Variants in CCZ1B observed in about 807,000 individuals in gnomAD.
CCZ1B encodes CCZ1B vacuolar protein trafficking and biogenesis associated.
CCZ1B carries 25 observed loss-of-function variants against 58.8 expected under a neutral mutation model. The ratio of observed to expected loss-of-function variants is 0.43; its 90% CI spans 0.31 to 0.59. CCZ1B has a LOEUF of 0.59. CCZ1B is among the 20% of genes least tolerant of loss of function. CCZ1B has a pLI of 0.12. For synonymous variants in CCZ1B, 66 were observed against 173.2 expected (o/e 0.38, Z 4.86); for missense variants, 180 against 501.5 (o/e 0.36, Z 6.12).
intron 7 of CCZ1B, among the ~76,000 whole-genome samples, chr7:6,815,564 A>G (rs1418307506): frequency 6.7e-6 from 1 of 148,962 alleles, no homozygotes; most frequent in East Asian, 1.9e-4. Flanking sequence ...CCCAGGCTCA[A>G]GCAAACCTCC....
chr7:6,818,305 T>C (rs578056796), intron 7 of CCZ1B, among the ~76,000 whole-genome samples: 1 of 149,394 alleles, frequency 6.7e-6, no homozygotes, highest in Non-Finnish European at 1.5e-5. Flanking sequence ...TCGCGGCACT[T>C]TGGGAGGCCA....
chr7:6,825,467 C>A lies in CCZ1B; in HGVS notation c.120+611G>T, dbSNP rs574630717. On this transcript the variant is annotated intron_variant, in intron 1 of 14. Transcript: ENST00000316731. ...GTCTTGCTATGTTGCCCAGGCTGGT[C>A]TGGAACCCCTGGCCTCAAGCAATCC... Among the ~76,000 whole-genome samples, 22 of 132,160 alleles carry A rather than the reference C, an allele frequency of 1.7e-4. No homozygotes were observed. In the East Asian group the frequency reaches 4.3e-3, roughly 26 times the overall value. 86.7% of individuals were successfully genotyped at this position (132,160 alleles called of 152,430 possible).
rs193021267 is a variant in CCZ1B at position 6,821,788 on chromosome 7, G to A, written c.522+493C>T. Among the ~76,000 whole-genome samples, 358 of 150,794 alleles carry A rather than the reference G, an allele frequency of 2.4e-3. 7 individuals carry two copies. Among genetic ancestry groups the A allele is most frequent in the African/African-American group, 8.7e-3 (353 of 40,444 alleles). On this transcript the variant is annotated intron_variant, in intron 6 of 14. Transcript: ENST00000316731. ...GAAACATGCAAAATTCAATTACAAC[G>A]AAAGAGGACAGCACTTGGAACAAAT...
intron 6 of CCZ1B, among the ~76,000 whole-genome samples, chr7:6,820,468 C>G (rs1171720459): frequency 6.7e-6 from 1 of 148,994 alleles, no homozygotes; most frequent in Non-Finnish European, 1.5e-5. Context: ...TGAGCCACCA[C>G]GCCTGGCCAA....
chr7:6,819,621 T>C, intron 7 of CCZ1B, 145 bp downstream of exon 7: 1 of 589,764 alleles, frequency 1.7e-6, no homozygotes, highest in East Asian at 2.8e-5. Context: ...TAATCACTGC[T>C]TTATTTTGAC....
chr7:6,817,291 C>T (rs1320911762), intron 7 of CCZ1B, among the ~76,000 whole-genome samples: 1 of 151,604 alleles, frequency 6.6e-6, no homozygotes, highest in African/African-American at 2.4e-5. Flanking sequence ...CGCTGCTGGT[C>T]ACTCTGGCTC....
At chr7:6,823,729 G>C in intron 4 of CCZ1B, 1 of 456,816 alleles carries the variant, frequency 2.2e-6, no homozygotes, top group Non-Finnish European at 3.6e-6. Context: ...ATATTGGCCA[G>C]GCTGGTCTCG....
chr7:6,816,877 G>A (rs933732581), intron 7 of CCZ1B, among the ~76,000 whole-genome samples: 1 of 151,034 alleles, frequency 6.6e-6, no homozygotes, highest in Non-Finnish European at 1.5e-5. Context: ...CTCAACCTCT[G>A]TAGTCTCTGT....
At chr7:6,814,868 G>A in intron 7 of CCZ1B, 23 bp from the exon 8 acceptor site, 1 of 1,539,400 alleles carries the variant, frequency 6.5e-7, no homozygotes. Context: ...AAAAGCACTG[G>A]GTTAAACGTT....
intron 8 of CCZ1B, among the ~76,000 whole-genome samples, chr7:6,813,493 G>A (rs1212071045): frequency 2.7e-5 from 4 of 149,046 alleles, no homozygotes; most frequent in East Asian, 1.9e-4. Flanking sequence ...TGACAGGACC[G>A]CTTGAGCCCA....
intron 4 of CCZ1B, 128 bp from the exon 5 acceptor site, chr7:6,823,488 T>C: frequency 1.5e-6 from 2 of 1,343,862 alleles, no homozygotes; most frequent in Non-Finnish European, 2.0e-6. Flanking sequence ...CCACAATAGT[T>C]GCGTGCTGAA....
At chr7:6,820,915 C>CAAAA (rs377633614) in intron 6 of CCZ1B, among the ~76,000 whole-genome samples, 1 of 100,216 alleles carries the variant, frequency 1.0e-5, no homozygotes. Context: ...GACTCTGTCT[C>CAAAA]AAAAAAAAAA....
chr7:6,820,491 T>C lies in CCZ1B; in HGVS notation c.523-550A>G, dbSNP rs148389736. ...CACGCCTGGCCAAAAATTTTTTTTTTTTTTTGGTATAGACAGAGTCTTGCT... is the reference window on the plus strand; with the variant it reads ...CACGCCTGGCCAAAAATTTTTTTTTCTTTTTGGTATAGACAGAGTCTTGCT... On this transcript the variant is annotated intron_variant, in intron 6 of 14. Coordinates refer to ENST00000316731, the MANE Select transcript of CCZ1B (RefSeq NM_198097.5). 5.9e-3 allele frequency among the ~76,000 whole-genome samples: 874 copies of C among 149,062 alleles called. 53 individuals carry two copies. The highest frequency in any genetic ancestry group is 0.016 in the African/African-American group (647 of 39,554).
chr7:6,825,117 C>A (rs1783174174), intron 1 of CCZ1B, among the ~76,000 whole-genome samples: 1 of 150,514 alleles, frequency 6.6e-6, no homozygotes, highest in Non-Finnish European at 1.5e-5. Context: ...CTCCAGGTTT[C>A]TTTCCTAGTG....
At position 6,822,374 on chromosome 7, in the gene CCZ1B, T is replaced by G. The variant is rs1783126198; in HGVS notation, c.439-10A>C. ...ATGTACCATTAAAAAGCTAGTGAGG[T>G]AAAAGATTGCAGAAAAAAAAATCAG... On this transcript the variant is annotated splice_polypyrimidine_tract_variant and intron_variant, in intron 5 of 14. Transcript: ENST00000316731. 6 of 1,586,894 alleles carry G rather than the reference T, an allele frequency of 3.8e-6. No individual in the cohort carries two copies. The highest frequency in any genetic ancestry group is 5.1e-6 in the Non-Finnish European group (6 of 1,172,504).
rs1408311223 is a variant in CCZ1B at position 6,815,514 on chromosome 7, A to G, written c.699-669T>C. Among the ~76,000 whole-genome samples, 6 of 148,740 alleles carry G rather than the reference A, an allele frequency of 4.0e-5. No homozygotes were observed. In the East Asian group the frequency reaches 1.2e-3, roughly 29 times the overall value. On this transcript the variant is annotated intron_variant, in intron 7 of 14. Transcript: ENST00000316731. ...GAGTCTCGTCTGTCGCCCAGGCTGG[A>G]TTACAGTGGTGTGACCACAGCTTGC...
At chr7:6,811,792 A>C in intron 10 of CCZ1B, 160 bp downstream of exon 10, 1 of 692,496 alleles carries the variant, frequency 1.4e-6, no homozygotes, top group Non-Finnish European at 2.4e-6. Flanking sequence ...AAATAAACTT[A>C]TTACGCTGGA....
intron 12 of CCZ1B, among the ~76,000 whole-genome samples, chr7:6,804,092 G>A (rs867660491): frequency 0.022 from 3,300 of 148,338 alleles, no homozygotes; most frequent in African/African-American, 0.081. Flanking sequence ...GCTTTCCATC[G>A]CCTCACTTTC....
intron 2 of CCZ1B, 36 bp from the exon 3 acceptor site, chr7:6,824,584 T>G (rs767993839): frequency 1.2e-6 from 2 of 1,612,148 alleles, no homozygotes; most frequent in Non-Finnish European, 1.7e-6. Context: ...GGGACAATTC[T>G]CCAGCAGCAG....
Sources: gnomAD v4.1 joint callset for allele counts (sites outside exome capture counted in the v4.1 genomes callset) on GRCh38, gnomAD v4.1.1 for gene constraint, MANE v1.5 for transcripts, NCBI Gene and HGNC (gene_info 2026-07-23, HGNC 2026-07-21) for gene names.